GPRC6A: variants seen among roughly 807,000 people sequenced by gnomAD.
The protein encoded by GPRC6A is G protein-coupled receptor family C group 6 member A.
A neutral mutation model predicts 47.0 loss-of-function variants in GPRC6A; 54 were observed. The observed-to-expected ratio is 1.15, with a 90% CI of 0.92 to 1.44. The LOEUF is 1.44. Among genes scored for constraint, GPRC6A ranks in the 40% most tolerant of loss-of-function variants. The pLI is 0.00. For missense variants in GPRC6A, 1,112 were observed against 1,105.5 expected (o/e 1.01, Z -0.08); for synonymous variants, 347 against 377.1 (o/e 0.92, Z 0.93).
At position 116,818,532 on chromosome 6, in the gene GPRC6A, TAAAAAAAAAAAAAAAAAAAAA is replaced by T. The variant is rs35974500; in HGVS notation, c.195-8936_195-8916del. ...CTGGGCGACAGAGCGAGACTCCGTC[TAAAAAAAAAAAAAAAAAAAAA>T]AAAAAAAAAAAAAAAAAGAATTTTC... On this transcript the variant is annotated intron_variant, in intron 1 of 5. Transcript: ENST00000310357. Among the ~76,000 whole-genome samples, 51 of 15,504 alleles carry T rather than the reference TAAAAAAAAAAAAAAAAAAAAA, an allele frequency of 3.3e-3. 1 individual carries two copies. In the South Asian group the frequency reaches 0.078, roughly 24 times the overall value. 10.2% of individuals were successfully genotyped at this position (15,504 alleles called of 152,430 possible). A position where few individuals can be genotyped will look rare whatever the true frequency, so the allele number is the denominator to read the frequency against.
At chr6:116,817,636 A>C (rs1480604101) in intron 1 of GPRC6A, among the ~76,000 whole-genome samples, 2 of 152,104 alleles carry the variant, frequency 1.3e-5, no homozygotes. Context: ...ACTTTGAAAA[A>C]AATTTAGACA....
rs767174754 is a variant in GPRC6A at position 116,806,633 on chromosome 6, C to A, written c.1072G>T (p.Ala358Ser). 1 of 1,613,380 alleles carries A rather than the reference C, an allele frequency of 6.2e-7. No homozygotes were observed. The highest frequency in any genetic ancestry group is 8.5e-7 in the Non-Finnish European group (1 of 1,179,664). ...SDSHKLLHEY[A>S]MHLSACAYVK... ...TATGCGCAGGCAGATAAATGCATGG[C>A]ATATTCATGTAAGAGTTTGTGACTG... Residue 358 changes from alanine to serine, a missense_variant, in exon 3 of 6, where the codon GCC becomes TCC. By Grantham distance (99) the Ala-to-Ser change is moderately conservative. Coordinates refer to ENST00000310357, the MANE Select transcript of GPRC6A (RefSeq NM_148963.4).
chr6:116,818,406 C>T (rs1317057415), intron 1 of GPRC6A, among the ~76,000 whole-genome samples: 31 of 145,268 alleles, frequency 2.1e-4, no homozygotes, highest in Admixed American at 3.4e-4. Flanking sequence ...TAGTGGCGGG[C>T]GCCTGTAGTC....
chr6:116,828,674 G>T (rs948583083), intron 1 of GPRC6A, 146 bp downstream of exon 1: 4 of 611,680 alleles, frequency 6.5e-6, no homozygotes, highest in Non-Finnish European at 1.1e-5. Flanking sequence ...TTTAAAGAAG[G>T]ATTGCAAGAT....
intron 5 of GPRC6A, 126 bp from the exon 6 acceptor site, chr6:116,793,376 A>G: frequency 1.8e-6 from 1 of 558,368 alleles, no homozygotes. Context: ...TGATTGTTAC[A>G]TTGGTTACTT....
chr6:116,819,716 G>A (rs1284111497), intron 1 of GPRC6A, among the ~76,000 whole-genome samples: 2 of 152,010 alleles, frequency 1.3e-5, no homozygotes, highest in African/African-American at 2.4e-5. Context: ...GCAGTGTGTA[G>A]AGGGAAATTT....
chr6:116,809,183 C>G, intron 2 of GPRC6A, 131 bp downstream of exon 2: 1 of 673,546 alleles, frequency 1.5e-6, no homozygotes, highest in South Asian at 1.9e-5. Flanking sequence ...GGTGTGCATC[C>G]TTTCTTTAAC....
At chr6:116,813,769 A>C (rs1773109519) in intron 1 of GPRC6A, among the ~76,000 whole-genome samples, 1 of 152,244 alleles carries the variant, frequency 6.6e-6, no homozygotes, top group African/African-American at 2.4e-5. Context: ...GGATCTAATT[A>C]AACTAACGAG....
intron 1 of GPRC6A, among the ~76,000 whole-genome samples, chr6:116,812,341 C>T (rs1461417840): frequency 6.6e-6 from 1 of 152,052 alleles, no homozygotes; most frequent in Non-Finnish European, 1.5e-5. Flanking sequence ...AATTCAGCAC[C>T]ACTAGACTGG....
At chr6:116,805,062 A>T (rs982255988) in intron 3 of GPRC6A, among the ~76,000 whole-genome samples, 1 of 152,114 alleles carries the variant, frequency 6.6e-6, no homozygotes, top group African/African-American at 2.4e-5. Flanking sequence ...ATGATCTAAA[A>T]AAGATAATTT....
Position 116,828,921 on chromosome 6 carries a change from A to C in GPRC6A, c.93T>G (p.Thr31=), listed in dbSNP as rs368471475. 6.2e-7 allele frequency: 1 copy of C among 1,613,414 alleles called. No homozygotes were observed. Among genetic ancestry groups the C allele is most frequent in the African/African-American group, 1.3e-5 (1 of 74,996 alleles). Residue 31 remains threonine, a synonymous_variant, in exon 1 of 6, where the codon ACT becomes ACG. Transcript: ENST00000310357. ...CTCCAATTATGATATGTCCCGGAGA[A>C]GTGGCAGCCACAAAGTCATCAGGGG... ...CQTPDDFVAA[T]SPGHIIIGGL... is the part of the protein sequence containing the mutation.
intron 1 of GPRC6A, among the ~76,000 whole-genome samples, chr6:116,824,347 C>G (rs990747788): frequency 1.3e-5 from 2 of 151,324 alleles, no homozygotes; most frequent in African/African-American, 2.4e-5. Flanking sequence ...AAATCATTAG[C>G]TAGATTAACT....
intron 1 of GPRC6A, among the ~76,000 whole-genome samples, chr6:116,813,208 A>G (rs1324752317): frequency 6.6e-6 from 1 of 152,216 alleles, no homozygotes; most frequent in Non-Finnish European, 1.5e-5. Flanking sequence ...ATTCAATGCC[A>G]TCCCCATCAA....
At chr6:116,803,785 C>G (rs1167659133) in intron 3 of GPRC6A, among the ~76,000 whole-genome samples, 2 of 152,078 alleles carry the variant, frequency 1.3e-5, no homozygotes, top group African/African-American at 4.8e-5. Context: ...TCCTTGCATT[C>G]ACATAGAGGT....
intron 1 of GPRC6A, among the ~76,000 whole-genome samples, chr6:116,813,338 T>C (rs1773090849): frequency 6.6e-6 from 1 of 152,090 alleles, no homozygotes; most frequent in South Asian, 2.1e-4. Flanking sequence ...GGAGGCATTG[T>C]GCTACCTGAC....
At chr6:116,819,674 C>A (rs1165528038) in intron 1 of GPRC6A, among the ~76,000 whole-genome samples, 1 of 152,072 alleles carries the variant, frequency 6.6e-6, no homozygotes, top group Non-Finnish European at 1.5e-5. Flanking sequence ...AACAAAGACA[C>A]AACATACCAG....
Position 116,793,263 on chromosome 6 carries a change from G to A in GPRC6A, c.1673-13C>T. Reference sequence around the variant, plus strand: ...CAGTGAGGCATATCTAAAAGACAGAGGAGACGCAGTTACATTGTCAACATT... The same window carrying A: ...CAGTGAGGCATATCTAAAAGACAGAAGAGACGCAGTTACATTGTCAACATT... On this transcript the variant is annotated splice_polypyrimidine_tract_variant and intron_variant, in intron 5 of 5. Transcript: ENST00000310357. 1.3e-6 allele frequency: 2 copies of A among 1,552,718 alleles called. No homozygotes were observed. Among genetic ancestry groups the A allele is most frequent in the South Asian group, 2.5e-5 (2 of 80,614 alleles).
intron 4 of GPRC6A, among the ~76,000 whole-genome samples, chr6:116,799,068 A>G (rs1247179702): frequency 6.6e-6 from 1 of 152,080 alleles, no homozygotes; most frequent in African/African-American, 2.4e-5. Flanking sequence ...GAGAGGTGAC[A>G]AGAATCCCAG....
At chr6:116,821,570 T>A (rs1415515494) in intron 1 of GPRC6A, among the ~76,000 whole-genome samples, 1 of 152,098 alleles carries the variant, frequency 6.6e-6, no homozygotes, top group East Asian at 1.9e-4. Flanking sequence ...TCTACAACTA[T>A]CTGATCTTTG....
Sources: gnomAD v4.1 joint callset for allele counts (sites outside exome capture counted in the v4.1 genomes callset) on GRCh38, gnomAD v4.1.1 for gene constraint, MANE v1.5 for transcripts, NCBI Gene and HGNC (gene_info 2026-07-23, HGNC 2026-07-21) for gene names.